Variants in RNASEL observed in about 807,000 individuals in gnomAD.
RNASEL encodes the protein 2-5A-dependent ribonuclease.
A neutral mutation model predicts 50.9 loss-of-function variants in RNASEL; 36 were observed. The ratio of observed to expected loss-of-function variants is 0.71; its 90% CI spans 0.54 to 0.93. The LOEUF (loss-of-function observed/expected upper bound fraction) is 0.93, where lower values mean the gene tolerates loss of function less well. Ranked by LOEUF, RNASEL falls within the 40% of genes least tolerant of loss-of-function variation. The probability of loss-of-function intolerance (pLI) is 0.00; values close to 1 mark genes in which losing one functional copy is unlikely to be tolerated. For synonymous variants in RNASEL, 335 were observed against 335.6 expected (o/e 1.00, Z 0.02); for missense variants, 860 against 894.5 (o/e 0.96, Z 0.49).
chr1:182,581,470 TTTC>T, intron 4 of RNASEL, 113 bp from the exon 5 acceptor site: 60 of 1,021,706 alleles, frequency 5.9e-5, no homozygotes, highest in Middle Eastern at 3.3e-4. Context: ...TTGGTTTTTC[TTTC>T]TTTTTTTTTT....
At position 182,586,944 on chromosome 1, in the gene RNASEL, A is replaced by G; in HGVS notation, c.-138T>C. The stretch of plus-strand genomic sequence containing the variant: ...CAGAGCAGCAGTATGAAGAAGGAAC[A>G]ATGTTCTCAGTCTTCTGACATTCCA... On this transcript the variant is annotated 5_prime_UTR_variant, in exon 2 of 7. Coordinates refer to ENST00000367559, the MANE Select transcript of RNASEL (RefSeq NM_021133.4). 1 of 1,152,198 alleles carries G rather than the reference A, an allele frequency of 8.7e-7. No individual in the cohort carries two copies. The highest frequency in any genetic ancestry group is 1.3e-5 in the South Asian group (1 of 79,514). The allele number at this position is 1,152,198 out of a possible 1,614,324, so 71.4% of individuals were successfully genotyped here. A position where few individuals can be genotyped will look rare whatever the true frequency, so the allele number is the denominator to read the frequency against.
Position 182,575,358 on chromosome 1 carries a change from T to G in RNASEL, c.*34A>C. The G allele has an allele frequency of 3.7e-6, 6 of 1,605,744 alleles. No homozygotes were observed. Among genetic ancestry groups the G allele is most frequent in the Non-Finnish European group, 5.1e-6 (6 of 1,173,092 alleles). ...GATTTGCCAAGGACTCTACAGCTAA[T>G]AAGTAGTTCCCTGAACTCCAGCAAA... On this transcript the variant is annotated 3_prime_UTR_variant, in exon 7 of 7. Coordinates refer to ENST00000367559, the MANE Select transcript of RNASEL (RefSeq NM_021133.4).
chr1:182,576,325 T>C lies in RNASEL; in HGVS notation c.1970A>G (p.Asn657Ser), dbSNP rs1262909246. ...FYEKRGNFYQ[N>S]TVGDLLKFIR... The stretch of plus-strand genomic sequence containing the variant: ...GAACTTTAGCAGATCACCCACAGTG[T>C]TCTGGTAGAAATTGCCTCTTTTTTC... The change falls in exon 6 of 7, where the codon AAC (asparagine) becomes AGC (serine). Residue 657 changes from asparagine (N) to serine (S), a missense_variant. Transcript: ENST00000367559. The C allele has an allele frequency of 1.2e-6, 2 of 1,609,892 alleles. No individual in the cohort carries two copies. The highest frequency in any genetic ancestry group is 1.3e-5 in the African/African-American group (1 of 74,856).
Position 182,586,582 on chromosome 1 carries a change from C to T in RNASEL, c.225G>A (p.Val75=), listed in dbSNP as rs1233537455. 1 of 1,604,712 alleles carries T rather than the reference C, an allele frequency of 6.2e-7. No homozygotes were observed. The highest frequency in any genetic ancestry group is 8.5e-7 in the Non-Finnish European group (1 of 1,173,384). The change falls in exon 2 of 7, where the codon GTG becomes GTA. Residue 75 remains valine (V), a synonymous_variant. Transcript: ENST00000367559. The part of the protein sequence containing the change: ...NAVQMSREDI[V]ELLLRHGADP... ...CAGCACCATGACGAAGCAGAAGTTCCACAATGTCCTCCCTGCTCATTTGTA... is the reference window on the plus strand; with the variant it reads ...CAGCACCATGACGAAGCAGAAGTTCTACAATGTCCTCCCTGCTCATTTGTA...
chr1:182,576,486 A>G, intron 5 of RNASEL, 97 bp from the exon 6 acceptor site: 2 of 917,420 alleles, frequency 2.2e-6, no homozygotes, highest in Non-Finnish European at 3.3e-6. Flanking sequence ...ATTTGAATAT[A>G]TTCATATATT....
chr1:182,588,443 T>C (rs1189006646), intron 1 of RNASEL, among the ~76,000 whole-genome samples: 1 of 152,204 alleles, frequency 6.6e-6, no homozygotes, highest in Non-Finnish European at 1.5e-5. Context: ...TAGTGAATTC[T>C]ATTCTCCCTA....
At chr1:182,577,518 C>T (rs1571263555) in intron 5 of RNASEL, among the ~76,000 whole-genome samples, 1 of 151,878 alleles carries the variant, frequency 6.6e-6, no homozygotes, top group South Asian at 2.1e-4. Flanking sequence ...GGTATATTTC[C>T]AAAAGGAATA....
At position 182,582,033 on chromosome 1, in the gene RNASEL, C is replaced by G. The variant is rs1174677976; in HGVS notation, c.1772+20G>C. The stretch of plus-strand genomic sequence containing the variant: ...TTTCCATCCTGGAGGCCTGTGGCAT[C>G]TGCACAAAGTTTTACTTACCTCTCC... On this transcript the variant is annotated intron_variant, in intron 4 of 6. Coordinates refer to ENST00000367559, the MANE Select transcript of RNASEL (RefSeq NM_021133.4). 1 of 1,611,754 alleles carries G rather than the reference C, an allele frequency of 6.2e-7. No individual in the cohort carries two copies. The highest frequency in any genetic ancestry group is 1.1e-5 in the South Asian group (1 of 91,018).
intron 5 of RNASEL, chr1:182,578,373 G>GA (rs1661430402): frequency 6.6e-6 from 1 of 152,144 alleles, no homozygotes; most frequent in Admixed American, 6.6e-5. Flanking sequence ...AAAAGCATAT[G>GA]AAAAAATGCT....
chr1:182,577,201 A>T (rs1430982386), intron 5 of RNASEL, among the ~76,000 whole-genome samples: 4 of 152,074 alleles, frequency 2.6e-5, no homozygotes, highest in East Asian at 1.9e-4. Context: ...AAAAAATTTT[A>T]AAATTAAAAC....
In RNASEL at chr1:182,574,940, G is replaced by A. The variant is rs995488896; in HGVS notation, c.*452C>T. 2 of 256,260 alleles carry A rather than the reference G, an allele frequency of 7.8e-6. No individual in the cohort carries two copies. The highest frequency in any genetic ancestry group is 4.4e-5 in the African/African-American group (2 of 45,440). 15.9% of individuals were successfully genotyped at this position (256,260 alleles called of 1,614,324 possible). A position where few individuals can be genotyped will look rare whatever the true frequency, so the allele number is the denominator to read the frequency against. ...TAAGTTTTAAGGTGCCCAAATGAGA[G>A]GTACCAATAACACCACATAAATTTA... On this transcript the variant is annotated 3_prime_UTR_variant, in exon 7 of 7. Transcript: ENST00000367559.
Position 182,586,478 on chromosome 1 carries a change from A to G in RNASEL, c.329T>C (p.Leu110Pro), listed in dbSNP as rs752125896. ...AIAGSVKLLK[L>P]FLSKGADVNE... ...GACATCTGCTCCTTTAGAAAGGAAAAGTTTCAGCAGCTTCACGCTCCCCGC... is the reference window on the plus strand; with the variant it reads ...GACATCTGCTCCTTTAGAAAGGAAAGGTTTCAGCAGCTTCACGCTCCCCGC... Residue 110 changes from leucine to proline, a missense_variant, in exon 2 of 7, where the codon CTT becomes CCT. Physicochemically the swap from Leu to Pro is moderately conservative, Grantham distance 98. Coordinates refer to ENST00000367559, the MANE Select transcript of RNASEL (RefSeq NM_021133.4). The G allele has an allele frequency of 6.2e-7, 1 of 1,613,206 alleles. No homozygotes were observed.
rs1272657387 is a variant in RNASEL at position 182,589,234 on chromosome 1, G to A, written c.-232C>T. The A allele has an allele frequency of 6.6e-6, 1 of 152,240 alleles. No individual in the cohort carries two copies. Among genetic ancestry groups the A allele is most frequent in the Non-Finnish European group, 1.5e-5 (1 of 68,074 alleles). 9.4% of individuals were successfully genotyped at this position (152,240 alleles called of 1,614,324 possible). ...AAGCCTGGAAGACTGCTTGCAGCCCGAGCAGTTTCCTCCTGCTGCGTCACT... is the reference window on the plus strand; with the variant it reads ...AAGCCTGGAAGACTGCTTGCAGCCCAAGCAGTTTCCTCCTGCTGCGTCACT... On this transcript the variant is annotated 5_prime_UTR_variant, in exon 1 of 7. Transcript: ENST00000367559.
rs1230437177 is a variant in RNASEL at position 182,575,291 on chromosome 1, C to T, written c.*101G>A. 6 of 1,160,202 alleles carry T rather than the reference C, an allele frequency of 5.2e-6. No individual in the cohort carries two copies. Among genetic ancestry groups the T allele is most frequent in the Non-Finnish European group, 7.8e-6 (6 of 769,246 alleles). The allele number at this position is 1,160,202 out of a possible 1,614,324, so 71.9% of individuals were successfully genotyped here. On this transcript the variant is annotated 3_prime_UTR_variant, in exon 7 of 7. Coordinates refer to ENST00000367559, the MANE Select transcript of RNASEL (RefSeq NM_021133.4). ...TGACATATCAGCTATGCAACTCATCCCTCACAAGCAACCTGGTGAGTTAAA... is the reference window on the plus strand; with the variant it reads ...TGACATATCAGCTATGCAACTCATCTCTCACAAGCAACCTGGTGAGTTAAA...
In RNASEL at chr1:182,586,568, C is replaced by T. The variant is rs899097906; in HGVS notation, c.239G>A (p.Arg80His). The change falls in exon 2 of 7, where the codon CGT becomes CAT. Residue 80 changes from arginine (R) to histidine (H), a missense_variant. Coordinates refer to ENST00000367559, the MANE Select transcript of RNASEL (RefSeq NM_021133.4). ...SREDIVELLLRHGADPVLRKK... is the reference protein window; with the variant it reads ...SREDIVELLLHHGADPVLRKK... ...CCTCAGAACAGGGTCAGCACCATGACGAAGCAGAAGTTCCACAATGTCCTC... is the reference window on the plus strand; with the variant it reads ...CCTCAGAACAGGGTCAGCACCATGATGAAGCAGAAGTTCCACAATGTCCTC... 2 of 1,604,346 alleles carry T rather than the reference C, an allele frequency of 1.2e-6. No individual in the cohort carries two copies. The highest frequency in any genetic ancestry group is 1.7e-6 in the Non-Finnish European group (2 of 1,173,318).
intron 2 of RNASEL, among the ~76,000 whole-genome samples, chr1:182,584,784 C>G (rs577893909): frequency 6.6e-6 from 1 of 152,148 alleles, no homozygotes; most frequent in Non-Finnish European, 1.5e-5. Context: ...CTTGCTCCCC[C>G]GCACCATATT....
intron 3 of RNASEL, among the ~76,000 whole-genome samples, chr1:182,583,023 T>A (rs2102368008): frequency 6.6e-6 from 1 of 152,298 alleles, no homozygotes; most frequent in South Asian, 2.1e-4. Context: ...TTGACCTCAC[T>A]CCTCCCAGGA....
intron 3 of RNASEL, among the ~76,000 whole-genome samples, chr1:182,583,276 T>C (rs1661528206): frequency 6.6e-6 from 1 of 152,186 alleles, no homozygotes. Flanking sequence ...GACAGCCAAC[T>C]CCACACCGAC....
rs564824465 is a variant in RNASEL at position 182,581,258 on chromosome 1, T to G, written c.1872A>C (p.Glu624Asp). The G allele has an allele frequency of 6.2e-7, 1 of 1,614,034 alleles. No homozygotes were observed. Residue 624 changes from glutamate to aspartate, a missense_variant, in exon 5 of 7, where the codon GAA (glutamate) becomes GAC (aspartate). Glu to Asp is a conservative substitution (Grantham distance 45). Transcript: ENST00000367559. ...TCCACTTGTCAAAACTTTTGGAATG[T>G]TCAGAAGGCCCAGGTTGCAGTAGTC... Reference protein sequence around the residue: ...ILRLLQPGPSEHSKSFDKWTT... With the variant: ...ILRLLQPGPSDHSKSFDKWTT...
Sources: allele counts gnomAD v4.1 joint callset (sites outside exome capture counted in the v4.1 genomes callset), GRCh38; gene constraint gnomAD v4.1.1; transcripts MANE v1.5; gene names NCBI Gene and HGNC (gene_info 2026-07-23, HGNC 2026-07-21).